CCBE1: variants seen among roughly 807,000 people sequenced by gnomAD.
CCBE1 encodes collagen and calcium-binding EGF domain-containing protein 1.
In CCBE1, 37 loss-of-function variants were observed where a neutral mutation model predicts 50.0. The observed-to-expected ratio is 0.74, with a 90% CI of 0.57 to 0.97. The LOEUF is 0.97. Ranked by LOEUF, CCBE1 falls within the 50% of genes least tolerant of loss-of-function variation. The pLI, the probability that CCBE1 is intolerant of heterozygous loss-of-function variation, is 0.00. For synonymous variants in CCBE1, 234 were observed against 203.7 expected (o/e 1.15, Z -1.27); for missense variants, 538 against 523.8 (o/e 1.03, Z -0.26).
intron 2 of CCBE1, among the ~76,000 whole-genome samples, chr18:59,694,092 G>A (rs1423561993): frequency 2.0e-5 from 3 of 151,950 alleles, no homozygotes; most frequent in Middle Eastern, 6.8e-3. Context: ...GAATGGTCTC[G>A]ATCTCTTGAC....
intron 2 of CCBE1, among the ~76,000 whole-genome samples, chr18:59,545,972 A>G (rs1221922728): frequency 6.6e-6 from 1 of 152,156 alleles, no homozygotes; most frequent in East Asian, 1.9e-4. Flanking sequence ...AATACAATCA[A>G]CATCCCTATA....
At chr18:59,509,153 A>C (rs1401670708) in intron 2 of CCBE1, among the ~76,000 whole-genome samples, 2 of 152,160 alleles carry the variant, frequency 1.3e-5, no homozygotes, top group Non-Finnish European at 2.9e-5. Context: ...TCAAACTCTA[A>C]TGTCCTCGAC....
At chr18:59,539,588 AT>A (rs1230527590) in intron 2 of CCBE1, among the ~76,000 whole-genome samples, 2 of 152,214 alleles carry the variant, frequency 1.3e-5, no homozygotes, top group Non-Finnish European at 2.9e-5. Context: ...GTTTTGGAGC[AT>A]TTTGTTATGC....
At chr18:59,543,809 T>C (rs1184938923) in intron 2 of CCBE1, among the ~76,000 whole-genome samples, 1 of 116,182 alleles carries the variant, frequency 8.6e-6, no homozygotes, top group Non-Finnish European at 1.6e-5. Flanking sequence ...CACTCCAGGC[T>C]GGGAGATAGA....
Position 59,648,767 on chromosome 18 carries a change from A to C in CCBE1, c.212+47862T>G, listed in dbSNP as rs374980942. ...GGCAACTTTTGGTGCACAGAGACCA[A>C]CTCAGCTAGTGATGGGTGCAGCCTG... On this transcript the variant is annotated intron_variant, in intron 2 of 10. Transcript: ENST00000439986. Among the ~76,000 whole-genome samples the C allele has an allele frequency of 1.9e-4, 29 of 152,296 alleles. No individual in the cohort carries two copies. In the East Asian group the frequency reaches 5.6e-3, roughly 29 times the overall value.
chr18:59,563,529 G>A (rs1350668356), intron 2 of CCBE1, among the ~76,000 whole-genome samples: 1 of 152,130 alleles, frequency 6.6e-6, no homozygotes, highest in Non-Finnish European at 1.5e-5. Context: ...GGCTCAAAGG[G>A]CACCAGAGGC....
chr18:59,595,135 C>T (rs980376961), intron 2 of CCBE1, among the ~76,000 whole-genome samples: 2 of 139,408 alleles, frequency 1.4e-5, no homozygotes, highest in Admixed American at 6.9e-5. Context: ...AAAAAAAAAT[C>T]CATTCTCTAA....
chr18:59,474,886 G>C (rs1042990413), intron 3 of CCBE1, among the ~76,000 whole-genome samples: 2 of 152,088 alleles, frequency 1.3e-5, no homozygotes, highest in Admixed American at 1.3e-4. Context: ...TCAACCTTTT[G>C]GATTGTGCTA....
chr18:59,556,512 C>T (rs943068110), intron 2 of CCBE1, among the ~76,000 whole-genome samples: 2 of 152,068 alleles, frequency 1.3e-5, no homozygotes, highest in Non-Finnish European at 1.5e-5. Flanking sequence ...GATCCAGCTG[C>T]AGAAGACAAA....
At chr18:59,658,233 G>C (rs140849142) in intron 2 of CCBE1, among the ~76,000 whole-genome samples, 1,683 of 142,498 alleles carry the variant, frequency 0.012, 17 homozygotes, top group South Asian at 0.035. Flanking sequence ...ACAGGGCACA[G>C]TGGCTCACAC....
chr18:59,528,847 C>T (rs1248571921), intron 2 of CCBE1, among the ~76,000 whole-genome samples: 1 of 152,172 alleles, frequency 6.6e-6, no homozygotes, highest in African/African-American at 2.4e-5. Flanking sequence ...TCTGGGAGCT[C>T]CATCCCAGAG....
intron 2 of CCBE1, among the ~76,000 whole-genome samples, chr18:59,668,743 G>T (rs1039747574): frequency 6.0e-5 from 9 of 150,442 alleles, no homozygotes; most frequent in African/African-American, 1.5e-4. Flanking sequence ...GGCTGCCTCT[G>T]TGCAAAGTTA....
intron 3 of CCBE1, among the ~76,000 whole-genome samples, chr18:59,479,879 G>T (rs1568162487): frequency 6.6e-6 from 1 of 152,220 alleles, no homozygotes; most frequent in East Asian, 1.9e-4. Context: ...AGGAGGGTTG[G>T]TTCTAATTGT....
At chr18:59,458,461 A>T (rs1006843715) in intron 5 of CCBE1, among the ~76,000 whole-genome samples, 1 of 152,256 alleles carries the variant, frequency 6.6e-6, no homozygotes, top group African/African-American at 2.4e-5. Context: ...AAATTTTCCA[A>T]GTGTTAATGT....
intron 2 of CCBE1, among the ~76,000 whole-genome samples, chr18:59,597,280 A>G (rs2053366033): frequency 6.6e-6 from 1 of 152,190 alleles, no homozygotes; most frequent in Non-Finnish European, 1.5e-5. Context: ...CATAAAAAGC[A>G]CTTTGAATGC....
intron 2 of CCBE1, among the ~76,000 whole-genome samples, chr18:59,656,989 T>G (rs2054199772): frequency 6.6e-6 from 1 of 152,116 alleles, no homozygotes; most frequent in African/African-American, 2.4e-5. Flanking sequence ...CATGAATTCA[T>G]CCCCTGGGAG....
At chr18:59,484,784 T>C (rs1912735597) in intron 2 of CCBE1, among the ~76,000 whole-genome samples, 1 of 152,322 alleles carries the variant, frequency 6.6e-6, no homozygotes, top group South Asian at 2.1e-4. Flanking sequence ...CTGTCTTCCC[T>C]AGAGTTCCTG....
intron 2 of CCBE1, among the ~76,000 whole-genome samples, chr18:59,659,513 A>G (rs1568259481): frequency 6.6e-6 from 1 of 152,208 alleles, no homozygotes; most frequent in Non-Finnish European, 1.5e-5. Context: ...GGTCGCACTT[A>G]CAGCAATTTT....
intron 2 of CCBE1, among the ~76,000 whole-genome samples, chr18:59,571,960 G>T (rs2052921854): frequency 6.6e-6 from 1 of 152,170 alleles, no homozygotes; most frequent in African/African-American, 2.4e-5. Context: ...GGAAATTCTA[G>T]TCTAGTCTTT....
Sources: allele counts gnomAD v4.1 joint callset (sites outside exome capture counted in the v4.1 genomes callset), GRCh38; gene constraint gnomAD v4.1.1; transcripts MANE v1.5; gene names NCBI Gene and HGNC (gene_info 2026-07-23, HGNC 2026-07-21).